Variants in DYNC2H1 observed in about 807,000 individuals in gnomAD.
DYNC2H1 encodes the protein dynein cytoplasmic 2 heavy chain 1.
Under a neutral mutation model 570.0 loss-of-function variants are expected in DYNC2H1, and 410 were observed. That is an observed-to-expected ratio of 0.72 (90% CI 0.66 to 0.78). The LOEUF is 0.78. Among genes scored for constraint, DYNC2H1 ranks in the 30% least tolerant of loss-of-function variants. The pLI is 0.00. For synonymous variants in DYNC2H1, 1,688 were observed against 1,677.6 expected (o/e 1.01, Z -0.15); for missense variants, 4,865 against 5,046.4 (o/e 0.96, Z 1.09).
chr11:103,448,269 T>C (rs1251146601), intron 85 of DYNC2H1, among the ~76,000 whole-genome samples: 1 of 152,126 alleles, frequency 6.6e-6, no homozygotes, highest in Non-Finnish European at 1.5e-5. Context: ...ATCATGTGTG[T>C]GTATGTTCTT....
chr11:103,161,605 T>A (rs1275613576), intron 29 of DYNC2H1, among the ~76,000 whole-genome samples: 1 of 152,158 alleles, frequency 6.6e-6, no homozygotes, highest in Non-Finnish European at 1.5e-5. Flanking sequence ...GTTCAACCTG[T>A]AACTGTTGCA....
chr11:103,121,493 G>A lies in DYNC2H1; in HGVS notation c.1482G>A (p.Leu494=), dbSNP rs896782992. The A allele has an allele frequency of 6.2e-7, 1 of 1,611,344 alleles. No individual in the cohort carries two copies. Among genetic ancestry groups the A allele is most frequent in the African/African-American group, 1.3e-5 (1 of 74,832 alleles). ...NSIVWVRQLE[L]KVDDTIKIAE... ...TAGTTTGGGTTCGCCAGTTGGAATT[G>A]AAGGTATTTATTTTAATAAAAGATG... is the stretch of plus-strand genomic sequence containing the variant. Residue 494 remains leucine (L), a synonymous_variant, in exon 10 of 89, where the codon TTG becomes TTA. Transcript: ENST00000375735.
intron 36 of DYNC2H1, among the ~76,000 whole-genome samples, chr11:103,174,505 G>T (rs1371972454): frequency 6.6e-6 from 1 of 152,030 alleles, no homozygotes; most frequent in East Asian, 1.9e-4. Flanking sequence ...ATGTCCATTG[G>T]AATCACCCAG....
chr11:103,399,780 C>T lies in DYNC2H1; in HGVS notation c.12274C>T (p.Gln4092Ter), dbSNP rs1942561493. 1 of 1,613,812 alleles carries T rather than the reference C, an allele frequency of 6.2e-7. No individual in the cohort carries two copies. Among genetic ancestry groups the T allele is most frequent in the Admixed American group, 1.7e-5 (1 of 59,994 alleles). ...TATTCGTTTAGTACAAAGTGTCCAC[C>T]AGTCTCTTGCTGCTCTCAGCAAAGT... Reference protein sequence around the residue: ...NAIRLVQSVHQSLAALSKVIR... With the variant: ...NAIRLVQSVH The change falls in exon 84 of 89, where the codon CAG becomes TAG. Residue 4092 changes from glutamine to a stop codon, truncating the protein, a stop_gained. Coordinates refer to ENST00000375735, the MANE Select transcript of DYNC2H1 (RefSeq NM_001377.3). LOFTEE classifies it high-confidence loss of function.
intron 75 of DYNC2H1, among the ~76,000 whole-genome samples, chr11:103,291,468 T>G (rs2135369073): frequency 6.9e-6 from 1 of 144,504 alleles, no homozygotes; most frequent in African/African-American, 2.6e-5. Context: ...AATAAATAAT[T>G]TTTTAAAGTG....
Position 103,133,633 on chromosome 11 carries a change from C to T in DYNC2H1, c.2032C>T (p.Leu678Phe). 6.2e-7 allele frequency: 1 copy of T among 1,613,180 alleles called. No homozygotes were observed. Among genetic ancestry groups the T allele is most frequent in the Non-Finnish European group, 8.5e-7 (1 of 1,179,678 alleles). Reference sequence around the variant, plus strand: ...AGAATTAGAAGGCTATATCCAAAAACTCCAAAATGCTGCTGAACGGCTTGC... The same window carrying T: ...AGAATTAGAAGGCTATATCCAAAAATTCCAAAATGCTGCTGAACGGCTTGC... ...PKELEGYIQK[L>F]QNAAERLATE... Residue 678 changes from leucine to phenylalanine, a missense_variant, in exon 14 of 89, where the codon CTC becomes TTC. Coordinates refer to ENST00000375735, the MANE Select transcript of DYNC2H1 (RefSeq NM_001377.3). This position sits in a 1 kb window ranked among gnomAD's most constrained non-coding sequence, Gnocchi z 4.8.
chr11:103,148,681 G>C, intron 20 of DYNC2H1, 64 bp downstream of exon 20: 2 of 1,483,042 alleles, frequency 1.3e-6, no homozygotes, highest in Non-Finnish European at 1.8e-6. Context: ...TTTAAATTAG[G>C]TAATTTTATG....
chr11:103,294,627 G>T (rs1295487269), intron 75 of DYNC2H1, among the ~76,000 whole-genome samples: 1 of 152,058 alleles, frequency 6.6e-6, no homozygotes, highest in Non-Finnish European at 1.5e-5. Flanking sequence ...GGCAATATGG[G>T]CTCTGCCTTG....
intron 83 of DYNC2H1, among the ~76,000 whole-genome samples, chr11:103,388,150 C>T (rs781500017): frequency 2.4e-4 from 37 of 152,230 alleles, no homozygotes; most frequent in Admixed American, 4.6e-4. Context: ...GAATGTTCTT[C>T]GATTTGTTTG....
At chr11:103,313,837 A>G (rs759970481) in intron 79 of DYNC2H1, among the ~76,000 whole-genome samples, 1 of 152,152 alleles carries the variant, frequency 6.6e-6, no homozygotes, top group Admixed American at 6.6e-5. Context: ...TTCTTATAAT[A>G]TGTATACCAC....
intron 36 of DYNC2H1, among the ~76,000 whole-genome samples, chr11:103,175,967 T>A (rs1190914191): frequency 6.6e-6 from 1 of 152,150 alleles, no homozygotes; most frequent in African/African-American, 2.4e-5. Flanking sequence ...TTAGTGATAA[T>A]GATTTTTATT....
chr11:103,419,253 C>A (rs766471713), intron 84 of DYNC2H1, among the ~76,000 whole-genome samples: 13 of 152,172 alleles, frequency 8.5e-5, no homozygotes, highest in Middle Eastern at 3.2e-3. Context: ...AGGGTCCCCC[C>A]TCAATGCAGC....
chr11:103,466,769 C>T (rs144280516), intron 87 of DYNC2H1, among the ~76,000 whole-genome samples: 67 of 152,204 alleles, frequency 4.4e-4, no homozygotes, highest in African/African-American at 1.5e-3. Flanking sequence ...CAAGTATTGG[C>T]AAGATTGTAG....
At chr11:103,321,752 T>C (rs1212701195) in intron 81 of DYNC2H1, among the ~76,000 whole-genome samples, 1 of 152,116 alleles carries the variant, frequency 6.6e-6, no homozygotes, top group East Asian at 1.9e-4. Flanking sequence ...AGCCGTCACA[T>C]GAAAGCCTCC....
chr11:103,134,658 A>C (rs928944652), intron 15 of DYNC2H1, among the ~76,000 whole-genome samples: 1 of 152,112 alleles, frequency 6.6e-6, no homozygotes, highest in Non-Finnish European at 1.5e-5. Flanking sequence ...AAATTCCTCA[A>C]TTCAGAATTT....
chr11:103,451,642 A>G (rs566076269), intron 85 of DYNC2H1, among the ~76,000 whole-genome samples: 1 of 152,108 alleles, frequency 6.6e-6, no homozygotes, highest in African/African-American at 2.4e-5. Context: ...AGGCTTGTAT[A>G]TTTTTAAAGC....
At chr11:103,386,449 A>C (rs1406741224) in intron 83 of DYNC2H1, among the ~76,000 whole-genome samples, 1 of 137,664 alleles carries the variant, frequency 7.3e-6, no homozygotes, top group Admixed American at 7.7e-5. Flanking sequence ...TTTAAAACAC[A>C]CCACACACAC....
chr11:103,276,388 C>T (rs934110701), intron 70 of DYNC2H1, among the ~76,000 whole-genome samples: 1 of 151,926 alleles, frequency 6.6e-6, no homozygotes, highest in African/African-American at 2.4e-5. Flanking sequence ...ATTACACATA[C>T]ATATAATACT....
chr11:103,315,839 A>G (rs563822084), intron 79 of DYNC2H1, among the ~76,000 whole-genome samples: 3 of 152,194 alleles, frequency 2.0e-5, no homozygotes, highest in Non-Finnish European at 4.4e-5. Flanking sequence ...TTATATTCCC[A>G]GAGCCTGACA....
Sources: allele counts gnomAD v4.1 joint callset (sites outside exome capture counted in the v4.1 genomes callset), GRCh38; gene constraint gnomAD v4.1.1; non-coding constraint Gnocchi (gnomAD v3.1); transcripts MANE v1.5; gene names NCBI Gene and HGNC (gene_info 2026-07-23, HGNC 2026-07-21).